EFCAB8: variants seen among roughly 807,000 people sequenced by gnomAD.
The protein encoded by EFCAB8 is EF-hand calcium-binding domain-containing protein 8.
EFCAB8 carries 100 observed loss-of-function variants against 116.3 expected under a neutral mutation model. That is an observed-to-expected ratio of 0.86 (90% CI 0.73 to 1.02). The LOEUF (loss-of-function observed/expected upper bound fraction) is 1.02. Ranked by LOEUF, EFCAB8 falls within the 50% of genes least tolerant of loss-of-function variation. The probability of loss-of-function intolerance (pLI) is 0.00; values close to 1 mark genes in which losing one functional copy is unlikely to be tolerated. For synonymous variants in EFCAB8, 558 were observed against 567.9 expected, an observed-to-expected ratio of 0.98 and a Z score of 0.25; for missense variants, 1,320 against 1,416.9, an observed-to-expected ratio of 0.93 and a Z score of 1.10.
chr20:32,929,937 T>C (rs1987829787), intron 20 of EFCAB8, among the ~76,000 whole-genome samples: 1 of 152,212 alleles, frequency 6.6e-6, no homozygotes, highest in African/African-American at 2.4e-5. Context: ...AAACAAGTCT[T>C]GAACAAGAAT....
In EFCAB8 at chr20:32,867,569, A is replaced by T. The variant is rs1293595235; in HGVS notation, c.43-13A>T. ...AAACGCTCAGTCCCTGGTTCTTGTT[A>T]TATTCGTTCCAGCTGTCCATCCCAC... On this transcript the variant is annotated splice_polypyrimidine_tract_variant and intron_variant, in intron 2 of 26. Coordinates refer to ENST00000400522, the MANE Select transcript of EFCAB8 (RefSeq NM_001143967.2). 3 of 1,550,488 alleles carry T rather than the reference A, an allele frequency of 1.9e-6. No homozygotes were observed. The Admixed American group carries it at 5.9e-5, about 31-fold the overall frequency.
intron 20 of EFCAB8, among the ~76,000 whole-genome samples, chr20:32,927,303 A>C (rs1987710232): frequency 6.6e-6 from 1 of 151,916 alleles, no homozygotes; most frequent in African/African-American, 2.4e-5. Context: ...GCTGCAGTGT[A>C]TTTCTTTGGA....
chr20:32,896,438 T>A lies in EFCAB8; in HGVS notation c.884-16T>A, dbSNP rs1443572871. ...GGAAAGCTGCTGATGTGGACCTTGGTTTTTTCCCCTATCAGATCACTGGAT... is the reference window on the plus strand; with the variant it reads ...GGAAAGCTGCTGATGTGGACCTTGGATTTTTCCCCTATCAGATCACTGGAT... On this transcript the variant is annotated splice_polypyrimidine_tract_variant and intron_variant, in intron 9 of 26. Transcript: ENST00000400522. 1 of 718,388 alleles carries A rather than the reference T, an allele frequency of 1.4e-6. No homozygotes were observed. The allele number at this position is 718,388 out of a possible 1,614,324, so 44.5% of individuals were successfully genotyped here.
chr20:32,880,928 C>A (rs928973009), intron 5 of EFCAB8, among the ~76,000 whole-genome samples: 1 of 152,194 alleles, frequency 6.6e-6, no homozygotes, highest in Non-Finnish European at 1.5e-5. Flanking sequence ...CACAGGCCCC[C>A]ACTCCTGGTT....
intron 20 of EFCAB8, among the ~76,000 whole-genome samples, chr20:32,924,721 A>G (rs1186735299): frequency 2.6e-5 from 4 of 152,054 alleles, no homozygotes; most frequent in Admixed American, 6.6e-5. Flanking sequence ...TGTAATAAGG[A>G]TTTGTATCAT....
At chr20:32,945,703 G>A (rs1295843099) in intron 23 of EFCAB8, among the ~76,000 whole-genome samples, 2 of 152,034 alleles carry the variant, frequency 1.3e-5, no homozygotes, top group African/African-American at 2.4e-5. Context: ...TGTAAAATCA[G>A]CCACCTCTCC....
intron 2 of EFCAB8, among the ~76,000 whole-genome samples, chr20:32,865,233 TGGG>T (rs1984328302): frequency 6.6e-6 from 1 of 152,052 alleles, no homozygotes; most frequent in Non-Finnish European, 1.5e-5. Context: ...AAGAGCTCCT[TGGG>T]GGAGGTTCCA....
intron 1 of EFCAB8, among the ~76,000 whole-genome samples, chr20:32,862,374 C>T (rs931213520): frequency 1.3e-5 from 2 of 151,904 alleles, no homozygotes; most frequent in Non-Finnish European, 2.9e-5. Flanking sequence ...GCGATCCTCC[C>T]GCCTCGGCCT....
At chr20:32,960,903 G>T (rs1027061483) in intron 26 of EFCAB8, among the ~76,000 whole-genome samples, 3 of 152,226 alleles carry the variant, frequency 2.0e-5, no homozygotes, top group Admixed American at 6.5e-5. Context: ...TCACAGAGTT[G>T]CCACAAGCGC....
At chr20:32,939,119 T>TTC (rs1988252823) in intron 22 of EFCAB8, among the ~76,000 whole-genome samples, 9 of 130,930 alleles carry the variant, frequency 6.9e-5, no homozygotes, top group African/African-American at 2.1e-4. Context: ...CTTTCTCTCT[T>TTC]TCTTTCTCTT....
chr20:32,955,291 G>A (rs13339911), intron 23 of EFCAB8, among the ~76,000 whole-genome samples: 3,219 of 152,280 alleles, frequency 0.021, 129 homozygotes, highest in African/African-American at 0.072. Flanking sequence ...TGTAATCACA[G>A]CACTTTGACA....
chr20:32,953,130 T>C (rs1411845464), intron 23 of EFCAB8, among the ~76,000 whole-genome samples: 3 of 152,224 alleles, frequency 2.0e-5, no homozygotes, highest in Non-Finnish European at 4.4e-5. Context: ...TATTTATTAA[T>C]ATTGTAACAT....
At chr20:32,917,836 A>G (rs1053869447) in intron 18 of EFCAB8, among the ~76,000 whole-genome samples, 3 of 152,086 alleles carry the variant, frequency 2.0e-5, no homozygotes, top group Non-Finnish European at 4.4e-5. Flanking sequence ...TCCCATTGCT[A>G]CTACACATTA....
Position 32,931,292 on chromosome 20 carries a change from C to T in EFCAB8, c.2746C>T (p.Leu916Phe), listed in dbSNP as rs1193650859. 1 of 1,551,490 alleles carries T rather than the reference C, an allele frequency of 6.4e-7. No individual in the cohort carries two copies. The highest frequency in any genetic ancestry group is 8.7e-7 in the Non-Finnish European group (1 of 1,146,822). Reference sequence around the variant, plus strand: ...GTTCCGGTTGTTAATTCCTCAGCAACTTGGGACCAACTTCCCACACTACAT... The same window carrying T: ...GTTCCGGTTGTTAATTCCTCAGCAATTTGGGACCAACTTCCCACACTACAT... Reference protein sequence around the residue: ...NKFRLLIPQQLGTNFPHYIPL... With the variant: ...NKFRLLIPQQFGTNFPHYIPL... The change falls in exon 22 of 27, where the codon CTT (leucine) becomes TTT (phenylalanine). Residue 916 changes from leucine to phenylalanine, a missense_variant. Transcript: ENST00000400522.
At chr20:32,906,764 C>CTTCT in intron 12 of EFCAB8, 79 bp from the exon 13 acceptor site, 1 of 779,074 alleles carries the variant, frequency 1.3e-6, no homozygotes, top group South Asian at 1.5e-5. Flanking sequence ...CTTGTCCCCA[C>CTTCT]TTCTGGGCAC....
At chr20:32,882,722 G>A (rs908568863) in intron 5 of EFCAB8, among the ~76,000 whole-genome samples, 2 of 151,782 alleles carry the variant, frequency 1.3e-5, no homozygotes, top group East Asian at 3.9e-4. Flanking sequence ...TTGAGACAGA[G>A]CCTTGCTCGG....
chr20:32,910,181 C>G (rs1293911322), intron 15 of EFCAB8, among the ~76,000 whole-genome samples: 1 of 152,186 alleles, frequency 6.6e-6, no homozygotes, highest in African/African-American at 2.4e-5. Flanking sequence ...AGCCTCATGC[C>G]CTTGGCTGAG....
intron 16 of EFCAB8, 26 bp downstream of exon 16, chr20:32,911,733 C>T: frequency 6.5e-7 from 1 of 1,547,950 alleles, no homozygotes; most frequent in Non-Finnish European, 8.7e-7. Flanking sequence ...CAATTACAGC[C>T]AGGGACGGCC....
At chr20:32,937,128 A>G (rs1988151710) in intron 22 of EFCAB8, among the ~76,000 whole-genome samples, 1 of 151,882 alleles carries the variant, frequency 6.6e-6, no homozygotes, top group Non-Finnish European at 1.5e-5. Flanking sequence ...ATTTTATTTT[A>G]TTTTAAAATA....
Sources: gnomAD v4.1 joint callset for allele counts (sites outside exome capture counted in the v4.1 genomes callset) on GRCh38, gnomAD v4.1.1 for gene constraint, MANE v1.5 for transcripts, NCBI Gene and HGNC (gene_info 2026-07-23, HGNC 2026-07-21) for gene names.